CHSY3: variants seen among roughly 807,000 people sequenced by gnomAD.
CHSY3 encodes chondroitin sulfate synthase 3.
Under a neutral mutation model 67.2 loss-of-function variants are expected in CHSY3, and 35 were observed. That is an observed-to-expected ratio of 0.52 (90% CI 0.40 to 0.69). The LOEUF (loss-of-function observed/expected upper bound fraction) is 0.69, where lower values mean the gene tolerates loss of function less well. Among genes scored for constraint, CHSY3 ranks in the 30% least tolerant of loss-of-function variants. The pLI is 0.00. For missense variants in CHSY3, 1,069 were observed against 1,138.5 expected (o/e 0.94, Z 0.88); for synonymous variants, 474 against 434.7 (o/e 1.09, Z -1.12).
At chr5:130,070,490 T>A (rs1021166465) in intron 2 of CHSY3, among the ~76,000 whole-genome samples, 1 of 152,094 alleles carries the variant, frequency 6.6e-6, no homozygotes, top group Non-Finnish European at 1.5e-5. Flanking sequence ...GTAAGTTTTA[T>A]GTGGATTTTG....
intron 2 of CHSY3, among the ~76,000 whole-genome samples, chr5:129,917,862 C>T (rs1760782492): frequency 6.6e-6 from 1 of 152,194 alleles, no homozygotes; most frequent in Non-Finnish European, 1.5e-5. Context: ...ACAGGTGAGG[C>T]CTGCAGCATG....
rs967165415 is a variant in CHSY3 at position 130,002,140 on chromosome 5, G to T, written c.1086+93780G>T. The T allele has an allele frequency of 3.1e-5, 27 of 878,840 alleles. No individual in the cohort carries two copies. In the East Asian group the frequency reaches 7.3e-4, roughly 24 times the overall value. 54.4% of individuals were successfully genotyped at this position (878,840 alleles called of 1,614,324 possible). ...TGTCTCTGTGTGTTGTCCCTTGAGA[G>T]AATCATTCAGGTTTCCACCTTGTAT... On this transcript the variant is annotated intron_variant, in intron 2 of 2. Coordinates refer to ENST00000305031, the MANE Select transcript of CHSY3 (RefSeq NM_175856.5).
At chr5:129,990,552 C>A (rs191451695) in intron 2 of CHSY3, among the ~76,000 whole-genome samples, 1 of 151,928 alleles carries the variant, frequency 6.6e-6, no homozygotes, top group East Asian at 1.9e-4. Context: ...ATTAACAAAC[C>A]CAAATTTTTA....
At chr5:130,144,790 C>G (rs908286355) in intron 2 of CHSY3, among the ~76,000 whole-genome samples, 1 of 152,092 alleles carries the variant, frequency 6.6e-6, no homozygotes, top group African/African-American at 2.4e-5. Context: ...ACGTATTAGG[C>G]CCTTCTCTCA....
rs778684901 is a variant in CHSY3, at chr5:130,185,329, A to G, written c.2187A>G (p.Gln729=). The G allele has an allele frequency of 3.1e-6, 5 of 1,608,926 alleles. No individual in the cohort carries two copies. Among genetic ancestry groups the G allele is most frequent in the East Asian group, 4.5e-5 (2 of 44,866 alleles). The change falls in exon 3 of 3, where the codon CAA becomes CAG. Residue 729 remains glutamine, a synonymous_variant. Coordinates refer to ENST00000305031, the MANE Select transcript of CHSY3 (RefSeq NM_175856.5). ...TGATCTTCAGAGAAGATTTTCTCCA[A>G]CGATGTAGAGACAATACAATTCAGG... is the stretch of plus-strand genomic sequence containing the variant. The part of the protein sequence containing the change: ...VDLIFREDFL[Q]RCRDNTIQGQ...
At chr5:130,116,089 C>T (rs755813566) in intron 2 of CHSY3, among the ~76,000 whole-genome samples, 1 of 152,176 alleles carries the variant, frequency 6.6e-6, no homozygotes, top group Non-Finnish European at 1.5e-5. Flanking sequence ...TCTCCAGAAT[C>T]CCTCTGGCAA....
rs764683775 is a variant in CHSY3 at position 130,184,484 on chromosome 5, G to A, written c.1342G>A (p.Val448Met). ...EVSKEDQQLGVIPSFNHFQPR... is the reference protein window; with the variant it reads ...EVSKEDQQLGMIPSFNHFQPR... ...GAGCAAAGAGGACCAGCAGCTGGGA[G>A]TGATACCTTCTTTCAACCACTTCCA... is the stretch of plus-strand genomic sequence containing the variant. The change falls in exon 3 of 3, where the codon GTG becomes ATG. Residue 448 changes from valine (V) to methionine (M), a missense_variant. Coordinates refer to ENST00000305031, the MANE Select transcript of CHSY3 (RefSeq NM_175856.5). The A allele has an allele frequency of 1.9e-6, 3 of 1,613,108 alleles. No homozygotes were observed. The highest frequency in any genetic ancestry group is 2.7e-5 in the African/African-American group (2 of 74,916).
intron 2 of CHSY3, among the ~76,000 whole-genome samples, chr5:130,172,355 G>T (rs542241889): frequency 1.2e-4 from 16 of 138,114 alleles, no homozygotes; most frequent in African/African-American, 4.2e-4. Flanking sequence ...AGTTGAGACA[G>T]GGGCTCACTT....
At chr5:130,140,391 T>C in intron 2 of CHSY3, 1 of 677,210 alleles carries the variant, frequency 1.5e-6, no homozygotes, top group Non-Finnish European at 2.5e-6. Flanking sequence ...TTTTTATGGT[T>C]CTGATAAAGA....
chr5:130,030,783 T>A (rs1020835388), intron 2 of CHSY3, among the ~76,000 whole-genome samples: 2 of 152,076 alleles, frequency 1.3e-5, no homozygotes, highest in African/African-American at 4.8e-5. Context: ...TTAGTGTTAT[T>A]CCCCGGAGCT....
chr5:129,944,008 C>A (rs1399689179), intron 2 of CHSY3, among the ~76,000 whole-genome samples: 1 of 152,198 alleles, frequency 6.6e-6, no homozygotes, highest in African/African-American at 2.4e-5. Context: ...GTAATGGCAG[C>A]TCTTTTATGG....
chr5:130,031,185 T>C (rs1764695490), intron 2 of CHSY3, among the ~76,000 whole-genome samples: 1 of 152,102 alleles, frequency 6.6e-6, no homozygotes. Flanking sequence ...GGGATTCTGC[T>C]TCTCTGGATG....
intron 2 of CHSY3, among the ~76,000 whole-genome samples, chr5:129,943,556 T>C (rs1001995852): frequency 2.0e-5 from 3 of 152,182 alleles, no homozygotes; most frequent in Non-Finnish European, 4.4e-5. Flanking sequence ...TTTGTAGATA[T>C]TTAGGTAATG....
At chr5:129,987,041 T>A in intron 2 of CHSY3, among the ~76,000 whole-genome samples, 1 of 152,226 alleles carries the variant, frequency 6.6e-6, no homozygotes, top group African/African-American at 2.4e-5. Flanking sequence ...TTGTTAATTT[T>A]ATAATTTTTT....
chr5:129,990,186 T>C (rs1763320544), intron 2 of CHSY3, among the ~76,000 whole-genome samples: 2 of 152,142 alleles, frequency 1.3e-5, no homozygotes, highest in African/African-American at 4.8e-5. Flanking sequence ...TACAGATTTA[T>C]TATAATGTAA....
chr5:129,945,303 C>T (rs760345790), intron 2 of CHSY3, among the ~76,000 whole-genome samples: 50 of 152,262 alleles, frequency 3.3e-4, no homozygotes, highest in African/African-American at 1.1e-3. Flanking sequence ...AATTGCTAGT[C>T]TGTTCTTTTC....
Position 129,976,861 on chromosome 5 carries a change from C to T in CHSY3, c.1086+68501C>T, listed in dbSNP as rs1168198812. ...AGCAGTTCATAAAATATGTCTAATACTTTGCTTTGTTAAGACAAAGCAACC... is the reference window on the plus strand; with the variant it reads ...AGCAGTTCATAAAATATGTCTAATATTTTGCTTTGTTAAGACAAAGCAACC... On this transcript the variant is annotated intron_variant, in intron 2 of 2. Coordinates refer to ENST00000305031, the MANE Select transcript of CHSY3 (RefSeq NM_175856.5). 6.6e-5 allele frequency among the ~76,000 whole-genome samples: 10 copies of T among 151,054 alleles called. No homozygotes were observed. In the South Asian group the frequency reaches 1.0e-3, roughly 16 times the overall value.
intron 2 of CHSY3, among the ~76,000 whole-genome samples, chr5:130,016,418 T>TTTATC (rs1440524937): frequency 1.3e-5 from 2 of 152,180 alleles, no homozygotes; most frequent in Non-Finnish European, 2.9e-5. Flanking sequence ...TTTATTTTAT[T>TTTATC]ATTATTTTTT....
chr5:129,967,785 G>A (rs955095230), intron 2 of CHSY3, among the ~76,000 whole-genome samples: 1 of 151,738 alleles, frequency 6.6e-6, no homozygotes, highest in Non-Finnish European at 1.5e-5. Context: ...ACTTCATCTG[G>A]CAGTCATTAA....
Sources: allele counts gnomAD v4.1 joint callset (sites outside exome capture counted in the v4.1 genomes callset), GRCh38; gene constraint gnomAD v4.1.1; transcripts MANE v1.5; gene names NCBI Gene and HGNC (gene_info 2026-07-23, HGNC 2026-07-21).